FANCB: variants seen among roughly 807,000 people sequenced by gnomAD.
FANCB encodes FA complementation group B.
Under a neutral mutation model 38.9 loss-of-function variants are expected in FANCB, and 5 were observed. The ratio of observed to expected loss-of-function variants is 0.13; its 90% confidence interval spans 0.07 to 0.27. The LOEUF (loss-of-function observed/expected upper bound fraction) is 0.27. Ranked by LOEUF, FANCB falls within the 10% of genes least tolerant of loss-of-function variation. The pLI is 1.00. For missense variants in FANCB, 573 were observed against 602.7 expected, an observed-to-expected ratio of 0.95 and a Z score of 0.52; for synonymous variants, 236 against 215.4, an observed-to-expected ratio of 1.10 and a Z score of -0.84.
the FANCB span, among the ~76,000 whole-genome samples, chrX:14,767,498 AG>A: frequency 9.0e-6 from 1 of 111,072 alleles, no homozygotes; most frequent in African/African-American, 3.3e-5. Context: ...TCTTATGAGC[AG>A]TATCTATTCA....
At chrX:14,823,079 CTTT>C in the FANCB span, among the ~76,000 whole-genome samples, 29 of 71,105 alleles carry the variant, frequency 4.1e-4, no homozygotes, top group Non-Finnish European at 6.7e-4. Context: ...TACCCTTTTA[CTTT>C]TTTTTTTTTT....
chrX:14,725,315 C>A, the FANCB span, among the ~76,000 whole-genome samples: 2 of 111,279 alleles, frequency 1.8e-5, no homozygotes, highest in East Asian at 5.6e-4. Context: ...ATATCCAGGT[C>A]TGTGATTAAG....
chrX:14,744,786 G>A, the FANCB span, among the ~76,000 whole-genome samples: 1 of 111,340 alleles, frequency 9.0e-6, no homozygotes, highest in African/African-American at 3.3e-5. Context: ...TCCTCTTGTG[G>A]TCTCAGTTAT....
chrX:14,822,049 C>T, the FANCB span, among the ~76,000 whole-genome samples: 2 of 111,298 alleles, frequency 1.8e-5, no homozygotes, highest in Non-Finnish European at 3.8e-5. Context: ...ACAGGTTTGC[C>T]CTGTCTCACC....
the FANCB span, among the ~76,000 whole-genome samples, chrX:14,763,815 C>T: frequency 9.0e-6 from 1 of 111,479 alleles, no homozygotes; most frequent in African/African-American, 3.3e-5. Context: ...CAAAGTTCCC[C>T]GTTGTTCTCC....
At chrX:14,850,358 C>G in intron 7 of FANCB, 147 bp downstream of exon 7, 1 of 529,712 alleles carries the variant, frequency 1.9e-6, no homozygotes, top group South Asian at 2.7e-5. Flanking sequence ...TCAAAAAAAA[C>G]AGTAATAATA....
chrX:14,799,427 C>A, the FANCB span, among the ~76,000 whole-genome samples: 1 of 112,314 alleles, frequency 8.9e-6, no homozygotes, highest in Non-Finnish European at 1.9e-5. Context: ...GGTATAGATA[C>A]AGATCTGTAT....
the FANCB span, among the ~76,000 whole-genome samples, chrX:14,735,924 T>A: frequency 9.0e-6 from 1 of 111,583 alleles, no homozygotes; most frequent in Non-Finnish European, 1.9e-5. Context: ...CTTTCAGAGA[T>A]CCCCTGCCCA....
the FANCB span, among the ~76,000 whole-genome samples, chrX:14,742,104 T>C: frequency 1.8e-5 from 2 of 111,815 alleles, no homozygotes; most frequent in Non-Finnish European, 1.9e-5. Context: ...ATGTAATGCC[T>C]AACTATCATC....
chrX:14,789,179 C>G, the FANCB span, among the ~76,000 whole-genome samples: 9 of 111,934 alleles, frequency 8.0e-5, no homozygotes, highest in Non-Finnish European at 9.4e-5. Flanking sequence ...AAACAGTGAA[C>G]TCTAGTGCCC....
chrX:14,764,785 T>C, the FANCB span, among the ~76,000 whole-genome samples: 45 of 112,008 alleles, frequency 4.0e-4, no homozygotes, highest in African/African-American at 1.2e-3. Context: ...CAATAAAGTA[T>C]GGCAGAAGTA....
the FANCB span, among the ~76,000 whole-genome samples, chrX:14,825,915 T>A: frequency 8.9e-6 from 1 of 112,353 alleles, no homozygotes; most frequent in Non-Finnish European, 1.9e-5. Flanking sequence ...GGTATGTTCA[T>A]CTTCCTAAAT....
chrX:14,710,543 TATAAC>T, the FANCB span, among the ~76,000 whole-genome samples: 3 of 112,051 alleles, frequency 2.7e-5, no homozygotes, highest in African/African-American at 9.7e-5. Context: ...TCTTCAAAAT[TATAAC>T]AGCAGCAAAG....
chrX:14,742,404 T>C, the FANCB span, among the ~76,000 whole-genome samples: 660 of 111,690 alleles, frequency 5.9e-3, 3 homozygotes, highest in African/African-American at 0.02. Context: ...AGAAGTCACA[T>C]TGGCATTTAA....
the FANCB span, among the ~76,000 whole-genome samples, chrX:14,808,096 C>A: frequency 9.0e-6 from 1 of 111,372 alleles, no homozygotes; most frequent in Non-Finnish European, 1.9e-5. Flanking sequence ...TAAAGAAAGC[C>A]CAAGACCCAG....
At chrX:14,723,015 C>A in the FANCB span, among the ~76,000 whole-genome samples, 1 of 112,093 alleles carries the variant, frequency 8.9e-6, no homozygotes, top group Admixed American at 9.4e-5. Flanking sequence ...CATAAGTCAC[C>A]TTCAGTATTT....
chrX:14,816,030 G>A, the FANCB span, among the ~76,000 whole-genome samples: 1 of 111,589 alleles, frequency 9.0e-6, no homozygotes. Flanking sequence ...GTTGGGAGGT[G>A]AGCGAGGGAT....
chrX:14,826,292 G>A, the FANCB span, among the ~76,000 whole-genome samples: 1 of 111,743 alleles, frequency 8.9e-6, no homozygotes, highest in African/African-American at 3.3e-5. Flanking sequence ...TCCCCAAGCA[G>A]AAGCCCTTTC....
chrX:14,696,533 A>G, the FANCB span, among the ~76,000 whole-genome samples: 38 of 112,050 alleles, frequency 3.4e-4, no homozygotes, highest in Admixed American at 1.1e-3. Context: ...AGATCCCCCA[A>G]TAAAGATGAC....
Sources: allele counts gnomAD v4.1 joint callset (sites outside exome capture counted in the v4.1 genomes callset), GRCh38; gene constraint gnomAD v4.1.1; transcripts MANE v1.5; gene names NCBI Gene and HGNC (gene_info 2026-07-23, HGNC 2026-07-21).